Variants in RGS7 observed in about 807,000 individuals in gnomAD.
RGS7 encodes regulator of G-protein signaling 7.
Under a neutral mutation model 81.1 loss-of-function variants are expected in RGS7, and 27 were observed. The observed-to-expected ratio is 0.33, with a 90% confidence interval of 0.25 to 0.46. The LOEUF is 0.46. Ranked by LOEUF, RGS7 falls within the 20% of genes least tolerant of loss-of-function variation. The pLI, the probability that RGS7 is intolerant of heterozygous loss-of-function variation, is 1.00. For synonymous variants in RGS7, 208 were observed against 207.7 expected (o/e 1.00, Z -0.01); for missense variants, 396 against 607.4 (o/e 0.65, Z 3.66).
rs190166100 is a variant in RGS7 at position 241,207,702 on chromosome 1, A to G, written c.79-108940T>C. The stretch of plus-strand genomic sequence containing the variant: ...GAATCAATTGAAATGTTCAAGTAGA[A>G]GACATTTTGCAATTTTTAAATATCT... On this transcript the variant is annotated intron_variant, in intron 2 of 18. Transcript: ENST00000440928. Among the ~76,000 whole-genome samples, 292 of 152,290 alleles carry G rather than the reference A, an allele frequency of 1.9e-3. 2 individuals carry two copies. The highest frequency in any genetic ancestry group is 6.9e-3 in the African/African-American group (286 of 41,558).
intron 2 of RGS7, among the ~76,000 whole-genome samples, chr1:241,252,556 G>C (rs911207441): frequency 6.6e-6 from 1 of 152,000 alleles, no homozygotes; most frequent in Admixed American, 6.6e-5. Context: ...GTGTATTCTC[G>C]GTTTCCCAAG....
chr1:240,927,535 A>T (rs915613426), intron 6 of RGS7, among the ~76,000 whole-genome samples: 5 of 152,218 alleles, frequency 3.3e-5, no homozygotes, highest in Admixed American at 2.0e-4. Flanking sequence ...AGTATGCTTT[A>T]AACAAATGGC....
At chr1:240,823,438 T>C in intron 10 of RGS7, 1 of 344,556 alleles carries the variant, frequency 2.9e-6, no homozygotes, top group Non-Finnish European at 5.7e-6. Flanking sequence ...CCTCACGTTA[T>C]AGTCCAGTCC....
intron 3 of RGS7, among the ~76,000 whole-genome samples, chr1:241,011,332 C>T (rs1171158328): frequency 6.6e-6 from 1 of 152,148 alleles, no homozygotes; most frequent in East Asian, 1.9e-4. Context: ...AGGAAACGGC[C>T]TCATAGAATG....
At chr1:241,030,764 T>A (rs1255170957) in intron 3 of RGS7, among the ~76,000 whole-genome samples, 1 of 152,086 alleles carries the variant, frequency 6.6e-6, no homozygotes, top group South Asian at 2.1e-4. Context: ...TTTCTCTGTA[T>A]AGCAGCTGAA....
At chr1:240,967,580 G>C (rs887986397) in intron 4 of RGS7, among the ~76,000 whole-genome samples, 3 of 148,572 alleles carry the variant, frequency 2.0e-5, no homozygotes, top group Non-Finnish European at 3.0e-5. Flanking sequence ...GGGGGGGGGG[G>C]GAAAAGGCTG....
chr1:241,158,577 A>G (rs1376980672), intron 2 of RGS7, among the ~76,000 whole-genome samples: 1 of 152,250 alleles, frequency 6.6e-6, no homozygotes, highest in African/African-American at 2.4e-5. Context: ...TTAATGTTAA[A>G]TAGATGAATG....
chr1:241,092,630 G>C (rs2063959976), intron 3 of RGS7, among the ~76,000 whole-genome samples: 1 of 152,072 alleles, frequency 6.6e-6, no homozygotes, highest in Admixed American at 6.6e-5. Context: ...AACTCTCATG[G>C]AATAATATTT....
chr1:240,869,219 C>G (rs1664037551), intron 7 of RGS7, among the ~76,000 whole-genome samples: 1 of 152,130 alleles, frequency 6.6e-6, no homozygotes, highest in African/African-American at 2.4e-5. Context: ...CAGTACATTC[C>G]TACTACGCAT....
chr1:240,907,294 T>C (rs903321408), intron 6 of RGS7, among the ~76,000 whole-genome samples: 1 of 152,140 alleles, frequency 6.6e-6, no homozygotes, highest in African/African-American at 2.4e-5. Context: ...ATATTTTAAA[T>C]ATGCTAGTAT....
chr1:241,027,314 T>C (rs1039415722), intron 3 of RGS7, among the ~76,000 whole-genome samples: 5 of 152,060 alleles, frequency 3.3e-5, no homozygotes, highest in Admixed American at 6.6e-5. Context: ...GCAGAGATTC[T>C]GTAATAAGAT....
At chr1:240,822,646 T>C (rs1692015722) in intron 10 of RGS7, among the ~76,000 whole-genome samples, 1 of 152,228 alleles carries the variant, frequency 6.6e-6, no homozygotes, top group Admixed American at 6.5e-5. Context: ...AATTTCACTT[T>C]TCATCTCAAA....
At chr1:241,004,692 C>T (rs2058591491) in intron 3 of RGS7, among the ~76,000 whole-genome samples, 1 of 150,488 alleles carries the variant, frequency 6.6e-6, no homozygotes, top group Admixed American at 6.6e-5. Flanking sequence ...TGGGGAAGCC[C>T]AGCAACGCCT....
intron 3 of RGS7, among the ~76,000 whole-genome samples, chr1:241,085,135 A>G (rs539526417): frequency 2.9e-4 from 44 of 152,346 alleles, no homozygotes; most frequent in African/African-American, 1.1e-3. Flanking sequence ...TATGGCTTAC[A>G]CTGGAAGCAT....
chr1:241,092,614 T>C (rs1010055354), intron 3 of RGS7, among the ~76,000 whole-genome samples: 3 of 152,238 alleles, frequency 2.0e-5, no homozygotes, highest in Non-Finnish European at 4.4e-5. Context: ...CTGAGCACTT[T>C]TATGAAACTC....
At chr1:240,780,766 T>C (rs905290849) in intron 18 of RGS7, among the ~76,000 whole-genome samples, 12 of 151,394 alleles carry the variant, frequency 7.9e-5, no homozygotes, top group Admixed American at 2.6e-4. Context: ...ATACAAAAAT[T>C]AGCTGGGCGT....
intron 2 of RGS7, among the ~76,000 whole-genome samples, chr1:241,212,394 T>G (rs2074296550): frequency 6.6e-6 from 1 of 152,176 alleles, no homozygotes; most frequent in South Asian, 2.1e-4. Context: ...AAGGGCCTTG[T>G]GCTTGGTTTA....
chr1:240,943,777 C>G (rs1433921840), intron 4 of RGS7, among the ~76,000 whole-genome samples: 1 of 152,072 alleles, frequency 6.6e-6, no homozygotes, highest in Non-Finnish European at 1.5e-5. Flanking sequence ...GTTTACAAAA[C>G]CATACTGTGA....
At chr1:241,116,812 C>G (rs150739695) in intron 2 of RGS7, among the ~76,000 whole-genome samples, 1 of 152,116 alleles carries the variant, frequency 6.6e-6, no homozygotes. Context: ...CTCCTTCCAG[C>G]TATTTGAAAT....
Sources: gnomAD v4.1 joint callset for allele counts (sites outside exome capture counted in the v4.1 genomes callset) on GRCh38, gnomAD v4.1.1 for gene constraint, MANE v1.5 for transcripts, NCBI Gene and HGNC (gene_info 2026-07-23, HGNC 2026-07-21) for gene names.